HAO2: variants seen among roughly 807,000 people sequenced by gnomAD.
HAO2 encodes hydroxyacid oxidase 2, also known as 2-Hydroxyacid oxidase 2.
A neutral mutation model predicts 37.4 loss-of-function variants in HAO2; 42 were observed. The observed-to-expected ratio is 1.12, with a 90% CI of 0.88 to 1.45. The LOEUF is 1.45. Ranked by LOEUF, HAO2 falls within the 40% of genes most tolerant of loss-of-function variation. HAO2 has a pLI of 0.00. For missense variants in HAO2, 476 were observed against 430.2 expected, an observed-to-expected ratio of 1.11 and a Z score of -0.94; for synonymous variants, 180 against 162.8, an observed-to-expected ratio of 1.11 and a Z score of -0.81.
rs781423312 is a variant in HAO2, at chr1:119,384,954, A to G, written c.462A>G (p.Val154=). Residue 154 remains valine (V), a synonymous_variant, in exon 4 of 8, where the codon GTA becomes GTG. Transcript: ENST00000325945. ...AATCCCTAGGTTTCAAAGCTTTGGT[A>G]ATAACTTTGGATACACCTGTATGTG... ...RVESLGFKAL[V]ITLDTPVCGN... is the part of the protein sequence containing the mutation. 1.9e-6 allele frequency: 3 copies of G among 1,613,504 alleles called. No homozygotes were observed. The highest frequency in any genetic ancestry group is 2.5e-6 in the Non-Finnish European group (3 of 1,179,544).
intron 6 of HAO2, 132 bp from the exon 7 acceptor site, chr1:119,392,486 G>A (rs1650992586): frequency 2.6e-6 from 2 of 766,478 alleles, no homozygotes; most frequent in Admixed American, 2.0e-5. Context: ...TATTCCCAAG[G>A]TAATTCTCAC....
At chr1:119,386,910 T>C in intron 5 of HAO2, 79 bp downstream of exon 5, 1 of 855,552 alleles carries the variant, frequency 1.2e-6, no homozygotes, top group South Asian at 1.4e-5. Context: ...ATCAAGGGAC[T>C]CTGTGAAATC....
At chr1:119,382,887 CAGA>C (rs1356428565) in intron 2 of HAO2, 25 bp from the exon 3 acceptor site, 1 of 1,607,140 alleles carries the variant, frequency 6.2e-7, no homozygotes, top group Non-Finnish European at 8.5e-7. Context: ...ATCTCACCAA[CAGA>C]AGATCTCTTT....
intron 4 of HAO2, chr1:119,385,839 A>G (rs1650339455): frequency 1.0e-6 from 1 of 985,128 alleles, no homozygotes; most frequent in African/African-American, 1.7e-5. Flanking sequence ...TCCTTATTCA[A>G]ATTCCAGAAG....
chr1:119,390,195 C>T (rs587708550), intron 5 of HAO2, among the ~76,000 whole-genome samples: 21 of 152,174 alleles, frequency 1.4e-4, no homozygotes, highest in South Asian at 1.0e-3. Context: ...CTATTAGTAA[C>T]GAGAGAGAAT....
In HAO2 at chr1:119,394,115, T is replaced by A; in HGVS notation, c.*275T>A. ...AAGTAAAAGATCTCAAAAGGACAGA[T>A]CATTAATGACTGGAACCACTAGTGG... On this transcript the variant is annotated 3_prime_UTR_variant, in exon 8 of 8. Transcript: ENST00000325945. The A allele has an allele frequency of 1.8e-6, 2 of 1,101,300 alleles. No homozygotes were observed. The highest frequency in any genetic ancestry group is 4.3e-5 in the South Asian group (2 of 46,040). 68.2% of individuals were successfully genotyped at this position (1,101,300 alleles called of 1,614,324 possible).
At chr1:119,392,035 T>G in intron 5 of HAO2, 75 bp from the exon 6 acceptor site, 1 of 1,371,036 alleles carries the variant, frequency 7.3e-7, no homozygotes. Flanking sequence ...TTGGTTTTCC[T>G]GGTCATATGC....
intron 1 of HAO2, among the ~76,000 whole-genome samples, chr1:119,371,206 A>G (rs587761779): frequency 6.6e-6 from 1 of 152,288 alleles, no homozygotes; most frequent in African/African-American, 2.4e-5. Flanking sequence ...AGTCAGAAGG[A>G]TTCCAGGTCA....
intron 6 of HAO2, 57 bp from the exon 7 acceptor site, chr1:119,392,561 T>A: frequency 9.1e-7 from 1 of 1,093,510 alleles, no homozygotes; most frequent in Non-Finnish European, 1.4e-6. Flanking sequence ...TACTAGTGGA[T>A]GGTCAGAATG....
chr1:119,369,593 C>A (rs1427889403), intron 1 of HAO2, among the ~76,000 whole-genome samples: 2 of 152,218 alleles, frequency 1.3e-5, no homozygotes, highest in Non-Finnish European at 2.9e-5. Context: ...CTATATTCTG[C>A]ATTTTACAAG....
intron 1 of HAO2, among the ~76,000 whole-genome samples, chr1:119,377,693 G>A (rs1452526193): frequency 6.6e-6 from 1 of 152,222 alleles, no homozygotes; most frequent in Non-Finnish European, 1.5e-5. Context: ...CACAATCATG[G>A]TGAAAGGTGA....
At chr1:119,369,718 T>C (rs1198384155) in intron 1 of HAO2, among the ~76,000 whole-genome samples, 1 of 152,176 alleles carries the variant, frequency 6.6e-6, no homozygotes, top group Non-Finnish European at 1.5e-5. Flanking sequence ...TTGTGGTATA[T>C]CATTTGAGAG....
At chr1:119,383,661 C>G (rs1650146272) in intron 3 of HAO2, among the ~76,000 whole-genome samples, 1 of 151,706 alleles carries the variant, frequency 6.6e-6, no homozygotes, top group Non-Finnish European at 1.5e-5. Context: ...ACCACCACCG[C>G]CAATAATAAT....
Position 119,382,929 on chromosome 1 carries a change from C to G in HAO2, c.146C>G (p.Pro49Arg), listed in dbSNP as rs371185540. 1.2e-6 allele frequency: 2 copies of G among 1,613,556 alleles called. No individual in the cohort carries two copies. The highest frequency in any genetic ancestry group is 1.7e-6 in the Non-Finnish European group (2 of 1,179,636). ...GTCCGGCACAGAATTCGCCTCCGTC[C>G]GCGGTACCTGAGAGATGTGTCTGAG... Reference protein sequence around the residue: ...IAAFKRIRLRPRYLRDVSEVD... With the variant: ...IAAFKRIRLRRRYLRDVSEVD... Residue 49 changes from proline (P) to arginine (R), a missense_variant, in exon 3 of 8, where the codon CCG (proline) becomes CGG (arginine). Transcript: ENST00000325945.
chr1:119,379,705 G>C (rs1225417522), intron 1 of HAO2, among the ~76,000 whole-genome samples: 1 of 152,042 alleles, frequency 6.6e-6, no homozygotes, highest in Non-Finnish European at 1.5e-5. Context: ...ATTACTCCTC[G>C]TAGCCTCCAT....
chr1:119,382,760 G>C (rs186233997), intron 2 of HAO2, among the ~76,000 whole-genome samples, 155 bp from the exon 3 acceptor site: 1 of 152,154 alleles, frequency 6.6e-6, no homozygotes, highest in Non-Finnish European at 1.5e-5. Flanking sequence ...ATCAACATAG[G>C]TTACTCAGCT....
chr1:119,385,856 G>A, intron 4 of HAO2: 1 of 984,702 alleles, frequency 1.0e-6, no homozygotes, highest in Non-Finnish European at 1.2e-6. Context: ...GAAGCACATT[G>A]AGATTTATAA....
Position 119,386,884 on chromosome 1 carries a change from G to T in HAO2, c.771+53G>T, listed in dbSNP as rs587712111. 6.1e-4 allele frequency: 654 copies of T among 1,072,692 alleles called. 8 individuals are homozygous for T. The South Asian group carries it at 7.6e-3, about 12-fold the overall frequency. 66.4% of individuals were successfully genotyped at this position (1,072,692 alleles called of 1,614,324 possible). ...GTGTTTGTGAGTGCTGTGTGTGTAT[G>T]TGTGAGTGTGTCCACATCAAGGGAC... On this transcript the variant is annotated intron_variant, in intron 5 of 7. Coordinates refer to ENST00000325945, the MANE Select transcript of HAO2 (RefSeq NM_016527.4).
At position 119,380,474 on chromosome 1, in the gene HAO2, C is replaced by A. The variant is rs1188152797; in HGVS notation, c.-8-604C>A. On this transcript the variant is annotated intron_variant, in intron 1 of 7. Coordinates refer to ENST00000325945, the MANE Select transcript of HAO2 (RefSeq NM_016527.4). ...CCAAGAATTACAAAGTAAACTTTGT[C>A]TTGTCCTTTCCCCACTCTGTAATCC... 1.0e-5 allele frequency: 5 copies of A among 481,260 alleles called. No homozygotes were observed. In the East Asian group the frequency reaches 1.3e-4, roughly 13 times the overall value. 29.8% of individuals were successfully genotyped at this position (481,260 alleles called of 1,614,324 possible). A position where few individuals can be genotyped will look rare whatever the true frequency, so the allele number is the denominator to read the frequency against.
Sources: gnomAD v4.1 joint callset for allele counts (sites outside exome capture counted in the v4.1 genomes callset) on GRCh38, gnomAD v4.1.1 for gene constraint, MANE v1.5 for transcripts, NCBI Gene and HGNC (gene_info 2026-07-23, HGNC 2026-07-21) for gene names.